Variants in GSG1L observed in about 807,000 individuals in gnomAD.
The protein encoded by GSG1L is germ cell-specific gene 1-like protein.
In GSG1L, 24 loss-of-function variants were observed where a neutral mutation model predicts 42.1. The observed-to-expected ratio is 0.57, with a 90% CI of 0.41 to 0.80. The LOEUF is 0.80. Ranked by LOEUF, GSG1L falls within the 30% of genes least tolerant of loss-of-function variation. The probability of loss-of-function intolerance (pLI) is 0.00; values close to 1 mark genes in which losing one functional copy is unlikely to be tolerated. For missense variants in GSG1L, 445 were observed against 472.2 expected (o/e 0.94, Z 0.53); for synonymous variants, 215 against 203.5 (o/e 1.06, Z -0.48).
chr16:27,884,674 G>T lies in GSG1L; in HGVS notation c.398-36C>A. 1 of 1,548,608 alleles carries T rather than the reference G, an allele frequency of 6.5e-7. No individual in the cohort carries two copies. Among genetic ancestry groups the T allele is most frequent in the Non-Finnish European group, 8.7e-7 (1 of 1,144,806 alleles). On this transcript the variant is annotated intron_variant, in intron 2 of 6. Transcript: ENST00000447459. This position sits in a 1 kb window ranked among gnomAD's most constrained non-coding sequence, Gnocchi z 4.4. ...GAGGCAGAGAGGCCGTGAGATGAGG[G>T]GCCACCCAAGATAGACTCACCCTGT... is the stretch of plus-strand genomic sequence containing the variant.
chr16:28,007,962 G>A (rs2085664721), intron 1 of GSG1L, among the ~76,000 whole-genome samples: 1 of 152,314 alleles, frequency 6.6e-6, no homozygotes, highest in East Asian at 1.9e-4. Flanking sequence ...CAGACCAAGG[G>A]TGTTAAGTGA....
chr16:27,853,498 C>T (rs1281506585), intron 3 of GSG1L, among the ~76,000 whole-genome samples: 3 of 152,062 alleles, frequency 2.0e-5, no homozygotes, highest in Non-Finnish European at 4.4e-5. Context: ...GGGGGTGAGC[C>T]GATTGGCATC....
intron 6 of GSG1L, among the ~76,000 whole-genome samples, chr16:27,796,059 C>G (rs1330968961): frequency 2.6e-5 from 4 of 152,174 alleles, no homozygotes; most frequent in African/African-American, 7.2e-5. Flanking sequence ...TGCTCAAGGT[C>G]TCTCTGCAGC....
At chr16:27,906,974 A>T (rs1703180788) in intron 2 of GSG1L, among the ~76,000 whole-genome samples, 1 of 152,114 alleles carries the variant, frequency 6.6e-6, no homozygotes, top group African/African-American at 2.4e-5. Flanking sequence ...TTCCTTCCAG[A>T]GACCACCACT....
At chr16:27,901,439 A>G (rs1176049548) in intron 2 of GSG1L, among the ~76,000 whole-genome samples, 1 of 152,178 alleles carries the variant, frequency 6.6e-6, no homozygotes, top group Non-Finnish European at 1.5e-5. Context: ...CAGTTCTTAG[A>G]TCCTGAATCC....
intron 1 of GSG1L, among the ~76,000 whole-genome samples, chr16:27,965,149 G>C (rs1365840343): frequency 6.6e-6 from 1 of 152,062 alleles, no homozygotes; most frequent in Non-Finnish European, 1.5e-5. Flanking sequence ...CTCCCGAGTA[G>C]CTGGAATTAC....
chr16:27,992,865 T>G (rs1246980569), intron 1 of GSG1L, among the ~76,000 whole-genome samples: 1 of 152,122 alleles, frequency 6.6e-6, no homozygotes, highest in Non-Finnish European at 1.5e-5. Context: ...GATATTAAGC[T>G]GAAGTTAGGA....
chr16:27,843,223 C>A (rs1364222990), intron 4 of GSG1L, among the ~76,000 whole-genome samples: 1 of 152,296 alleles, frequency 6.6e-6, no homozygotes, highest in Non-Finnish European at 1.5e-5. Context: ...TGGTCTCTGT[C>A]TTTCCAGCCT....
intron 2 of GSG1L, among the ~76,000 whole-genome samples, chr16:27,951,892 A>G (rs1039586596): frequency 1.3e-5 from 2 of 152,146 alleles, no homozygotes; most frequent in African/African-American, 4.8e-5. Context: ...GTGAGAAATG[A>G]CTCACGCAAG....
At chr16:27,797,367 A>G (rs2082828652) in intron 6 of GSG1L, among the ~76,000 whole-genome samples, 1 of 151,944 alleles carries the variant, frequency 6.6e-6, no homozygotes, top group South Asian at 2.1e-4. Context: ...TACTAAAAAT[A>G]CATAAATTAT....
intron 2 of GSG1L, among the ~76,000 whole-genome samples, chr16:27,890,977 G>A (rs374348842): frequency 2.7e-3 from 414 of 152,308 alleles, no homozygotes; most frequent in African/African-American, 9.5e-3. Context: ...GGCCCTTGGG[G>A]GCACATTTCC....
intron 3 of GSG1L, among the ~76,000 whole-genome samples, chr16:27,852,398 G>T (rs1349783081): frequency 1.3e-5 from 2 of 152,028 alleles, no homozygotes; most frequent in Admixed American, 6.5e-5. Flanking sequence ...ATTGGGATGG[G>T]AGAGGCAGAC....
intron 6 of GSG1L, 78 bp downstream of exon 6, chr16:27,807,409 G>A: frequency 8.1e-7 from 1 of 1,239,014 alleles, no homozygotes; most frequent in Non-Finnish European, 1.2e-6. Context: ...GGGCTGGCCT[G>A]ACTCTTCTCC....
Position 28,031,221 on chromosome 16 carries a change from A to AGGATGGGATG in GSG1L, c.349+31845_349+31854dup, listed in dbSNP as rs74986650. ...ATGATGGGGTGGGATGAGATGGAAT[A>AGGATGGGATG]GGATGGGATGGGATGGGATGGGGTG... On this transcript the variant is annotated intron_variant, in intron 1 of 6. Coordinates refer to ENST00000447459, the MANE Select transcript of GSG1L (RefSeq NM_001109763.2). Among the ~76,000 whole-genome samples the AGGATGGGATG allele has an allele frequency of 4.6e-3, 317 of 69,434 alleles. 3 individuals carry two copies. Among genetic ancestry groups the AGGATGGGATG allele is most frequent in the Middle Eastern group, 0.015 (1 of 68 alleles). 45.6% of individuals were successfully genotyped at this position (69,434 alleles called of 152,430 possible).
intron 2 of GSG1L, among the ~76,000 whole-genome samples, chr16:27,923,566 G>A (rs544092476): frequency 5.3e-5 from 8 of 152,024 alleles, no homozygotes; most frequent in East Asian, 1.9e-4. Flanking sequence ...CCAACATGGC[G>A]AAACCCCGTC....
intron 2 of GSG1L, among the ~76,000 whole-genome samples, chr16:27,916,755 G>A (rs1273104234): frequency 6.6e-6 from 1 of 152,196 alleles, no homozygotes; most frequent in Admixed American, 6.5e-5. Context: ...CTCCCTCATG[G>A]GGTTGTTAAA....
chr16:27,852,791 G>A (rs1013336088), intron 3 of GSG1L, among the ~76,000 whole-genome samples: 1 of 152,206 alleles, frequency 6.6e-6, no homozygotes, highest in Non-Finnish European at 1.5e-5. Context: ...GCATGGCTGT[G>A]GCCTGAGAAC....
At chr16:27,951,087 C>T (rs1013798241) in intron 2 of GSG1L, among the ~76,000 whole-genome samples, 3 of 152,104 alleles carry the variant, frequency 2.0e-5, no homozygotes, top group Non-Finnish European at 2.9e-5. Context: ...GACGACTGGC[C>T]CAAGGCAAGA....
At chr16:27,863,818 A>C (rs896991005) in intron 3 of GSG1L, among the ~76,000 whole-genome samples, 1 of 152,214 alleles carries the variant, frequency 6.6e-6, no homozygotes, top group Non-Finnish European at 1.5e-5. Flanking sequence ...ACCCTCATTG[A>C]AGACCCACAG....
Sources: gnomAD v4.1 joint callset for allele counts (sites outside exome capture counted in the v4.1 genomes callset) on GRCh38, gnomAD v4.1.1 for gene constraint, Gnocchi (gnomAD v3.1) non-coding constraint, MANE v1.5 for transcripts, NCBI Gene and HGNC (gene_info 2026-07-23, HGNC 2026-07-21) for gene names.